The following RASSF10 variants were observed in gnomAD, a reference collection of about 807,000 sequenced individuals.
The protein encoded by RASSF10 is Ras association domain family member 10, also known as ras association domain-containing protein 10.
RASSF10 carries 22 observed loss-of-function variants against 41.5 expected under a neutral mutation model. The observed-to-expected ratio is 0.53, with a 90% CI of 0.38 to 0.76. The LOEUF is 0.76. RASSF10 is among the 30% of genes least tolerant of loss of function. RASSF10 has a pLI of 0.00. For synonymous variants in RASSF10, 364 were observed against 319.0 expected, an observed-to-expected ratio of 1.14 and a Z score of -1.50; for missense variants, 776 against 711.8, an observed-to-expected ratio of 1.09 and a Z score of -1.03.
In RASSF10 at chr11:13,010,208, C is replaced by T; in HGVS notation, c.632C>T (p.Ser211Phe). Residue 211 changes from serine to phenylalanine, a missense_variant, in exon 1 of 1, where the codon TCT (serine) becomes TTT (phenylalanine). By Grantham distance (155) the Ser-to-Phe change is radical. Coordinates refer to ENST00000529419, the MANE Select transcript of RASSF10 (RefSeq NM_001080521.3). The surrounding 1 kb of genome is among the most constrained non-coding windows in gnomAD (Gnocchi z 4.8). The stretch of plus-strand genomic sequence containing the variant: ...TCGTCGTCCACTGCCTCGTCCTGCT[C>T]TTCGTCGCCGCGGACCCACGAGAGC... ...STSSSTASSC[S>F]SSPRTHESAS... The T allele has an allele frequency of 1.3e-6, 2 of 1,595,122 alleles. No homozygotes were observed. The highest frequency in any genetic ancestry group is 1.7e-6 in the Non-Finnish European group (2 of 1,172,412).
At position 13,009,536 on chromosome 11, in the gene RASSF10, C is replaced by T. The variant is rs745344193; in HGVS notation, c.-41C>T. ...GCCCTTGCTGTCCTCGCCGCCCCAG[C>T]AGACCCCGGCCGGACCTGCCACCTG... is the stretch of plus-strand genomic sequence containing the variant. On this transcript the variant is annotated 5_prime_UTR_variant, in exon 1 of 1. Transcript: ENST00000529419. 6.3e-7 allele frequency: 1 copy of T among 1,586,754 alleles called. No individual in the cohort carries two copies. The highest frequency in any genetic ancestry group is 8.6e-7 in the Non-Finnish European group (1 of 1,164,966).
Position 13,011,185 on chromosome 11 carries a change from GAAACCA to G in RASSF10, c.*86_*91del, listed in dbSNP as rs1162403302. Reference sequence around the variant, plus strand: ...AGTGGGCCAGCCGGCTCGCGGACTTGAAACCAGGCTGTTGCGAGCCCAGAGCTCCGG... The same window carrying G: ...AGTGGGCCAGCCGGCTCGCGGACTTGGGCTGTTGCGAGCCCAGAGCTCCGG... On this transcript the variant is annotated 3_prime_UTR_variant, in exon 1 of 1. Coordinates refer to ENST00000529419, the MANE Select transcript of RASSF10 (RefSeq NM_001080521.3). 2 of 1,140,852 alleles carry G rather than the reference GAAACCA, an allele frequency of 1.8e-6. No individual in the cohort carries two copies. The highest frequency in any genetic ancestry group is 3.1e-5 in the African/African-American group (2 of 64,152). The allele number at this position is 1,140,852 out of a possible 1,614,324, so 70.7% of individuals were successfully genotyped here. A position where few individuals can be genotyped will look rare whatever the true frequency, so the allele number is the denominator to read the frequency against.
chr11:13,009,885 C>T lies in RASSF10; in HGVS notation c.309C>T (p.Ile103=). 1 of 1,605,040 alleles carries T rather than the reference C, an allele frequency of 6.2e-7. No individual in the cohort carries two copies. Among genetic ancestry groups the T allele is most frequent in the South Asian group, 1.1e-5 (1 of 89,580 alleles). The part of the protein sequence containing the change: ...IVEKWRGFER[I]LPNKTRILRL... ...AGAAGTGGCGCGGCTTTGAGCGCAT[C>T]CTCCCCAACAAGACGCGCATCTTGC... Residue 103 remains isoleucine (I), a synonymous_variant, in exon 1 of 1, where the codon ATC becomes ATT. Transcript: ENST00000529419.
In RASSF10 at chr11:13,012,013, T is replaced by G. The variant is rs1232857853; in HGVS notation, c.*913T>G. The stretch of plus-strand genomic sequence containing the variant: ...GAATTCAAGTTACGCAAAACAAAAC[T>G]TGCTGTCTAACAAGCACTCTTTGAA... On this transcript the variant is annotated 3_prime_UTR_variant, in exon 1 of 1. Coordinates refer to ENST00000529419, the MANE Select transcript of RASSF10 (RefSeq NM_001080521.3). 1 of 152,228 alleles carries G rather than the reference T, an allele frequency of 6.6e-6. No individual in the cohort carries two copies. Among genetic ancestry groups the G allele is most frequent in the East Asian group, 1.9e-4 (1 of 5,196 alleles). 9.4% of individuals were successfully genotyped at this position (152,228 alleles called of 1,614,324 possible).
In RASSF10 at chr11:13,010,267, C is replaced by T. The variant is rs1949566821; in HGVS notation, c.691C>T (p.Leu231=). The change falls in exon 1 of 1, where the codon CTG becomes TTG. Residue 231 remains leucine, a synonymous_variant. Transcript: ENST00000529419. The surrounding 1 kb of genome is among the most constrained non-coding windows in gnomAD (Gnocchi z 4.8). ...GGAGCGCATGGAGACGCTGGTGCAT[C>T]TGGTGCTTTCCCAGGACCACACAAT... The part of the protein sequence containing the change: ...SVERMETLVH[L]VLSQDHTIRQ... The T allele has an allele frequency of 2.6e-6, 4 of 1,565,222 alleles. No homozygotes were observed. The highest frequency in any genetic ancestry group is 1.9e-5 in the Admixed American group (1 of 53,720).
chr11:13,009,720 G>C lies in RASSF10; in HGVS notation c.144G>C (p.Arg48=). 1 of 1,587,486 alleles carries C rather than the reference G, an allele frequency of 6.3e-7. No individual in the cohort carries two copies. The highest frequency in any genetic ancestry group is 8.6e-7 in the Non-Finnish European group (1 of 1,167,442). The change falls in exon 1 of 1, where the codon CGG becomes CGC. Residue 48 remains arginine (R), a synonymous_variant. Coordinates refer to ENST00000529419, the MANE Select transcript of RASSF10 (RefSeq NM_001080521.3). ...GCCGGCGGCGACGGAGACAGCGGCGGAGCCGGCGGCTGGGGTCGGCCGGCG... is the reference window on the plus strand; with the variant it reads ...GCCGGCGGCGACGGAGACAGCGGCGCAGCCGGCGGCTGGGGTCGGCCGGCG... ...DGCRRRRRQR[R]SRRLGSAGDP...
In RASSF10 at chr11:13,009,769, C is replaced by T; in HGVS notation, c.193C>T (p.Pro65Ser). 1.2e-6 allele frequency: 2 copies of T among 1,600,802 alleles called. No homozygotes were observed. The highest frequency in any genetic ancestry group is 1.7e-6 in the Non-Finnish European group (2 of 1,174,970). ...AGDPHGPGELPEPPNEDDEDD... is the reference protein window; with the variant it reads ...AGDPHGPGELSEPPNEDDEDD... ...CGACCCGCATGGCCCGGGAGAGCTG[C>T]CCGAACCCCCGAACGAGGACGACGA... Residue 65 changes from proline to serine, a missense_variant, in exon 1 of 1, where the codon CCC becomes TCC. Coordinates refer to ENST00000529419, the MANE Select transcript of RASSF10 (RefSeq NM_001080521.3).
Position 13,010,509 on chromosome 11 carries a change from C to T in RASSF10, c.933C>T (p.Ala311=), listed in dbSNP as rs1173280797. The change falls in exon 1 of 1, where the codon GCC becomes GCT. Residue 311 remains alanine, a synonymous_variant. Coordinates refer to ENST00000529419, the MANE Select transcript of RASSF10 (RefSeq NM_001080521.3). This position sits in a 1 kb window ranked among gnomAD's most constrained non-coding sequence, Gnocchi z 4.8. ...AGGCGGCGGCGGCGCCCCCTCTAGC[C>T]GGCGAGGCGCAGGCGGCGGCGCTGG... ...AEEAAAAPPL[A]GEAQAAALEE... 4 of 1,515,298 alleles carry T rather than the reference C, an allele frequency of 2.6e-6. No homozygotes were observed. The highest frequency in any genetic ancestry group is 3.5e-6 in the Non-Finnish European group (4 of 1,131,422). The allele number at this position is 1,515,298 out of a possible 1,614,324, so 93.9% of individuals were successfully genotyped here. A position where few individuals can be genotyped will look rare whatever the true frequency, so the allele number is the denominator to read the frequency against.
chr11:13,009,540 C>T lies in RASSF10; in HGVS notation c.-37C>T, dbSNP rs771777831. ...TTGCTGTCCTCGCCGCCCCAGCAGA[C>T]CCCGGCCGGACCTGCCACCTGCGCC... On this transcript the variant is annotated 5_prime_UTR_variant, in exon 1 of 1. Coordinates refer to ENST00000529419, the MANE Select transcript of RASSF10 (RefSeq NM_001080521.3). 1.9e-6 allele frequency: 3 copies of T among 1,590,588 alleles called. No individual in the cohort carries two copies. The highest frequency in any genetic ancestry group is 3.4e-5 in the Admixed American group (2 of 58,542).
In RASSF10 at chr11:13,010,326, C is replaced by T. The variant is rs1249526486; in HGVS notation, c.750C>T (p.Asp250=). 3.9e-6 allele frequency: 6 copies of T among 1,551,608 alleles called. No homozygotes were observed. The highest frequency in any genetic ancestry group is 5.2e-6 in the Non-Finnish European group (6 of 1,147,174). Residue 250 remains aspartate, a synonymous_variant, in exon 1 of 1, where the codon GAC becomes GAT. Coordinates refer to ENST00000529419, the MANE Select transcript of RASSF10 (RefSeq NM_001080521.3). The surrounding 1 kb of genome is among the most constrained non-coding windows in gnomAD (Gnocchi z 4.8). ...RQQVQRLHEL[D]REIDHYEAKV... ...AGGTGCAGCGGCTCCACGAGCTGGA[C>T]CGCGAGATCGATCACTACGAGGCCA...
chr11:13,010,161 A>T lies in RASSF10; in HGVS notation c.585A>T (p.Thr195=), dbSNP rs746905063. The T allele has an allele frequency of 6.3e-7, 1 of 1,582,448 alleles. No individual in the cohort carries two copies. Among genetic ancestry groups the T allele is most frequent in the Non-Finnish European group, 8.6e-7 (1 of 1,165,632 alleles). Residue 195 remains threonine, a synonymous_variant, in exon 1 of 1, where the codon ACA becomes ACT. Coordinates refer to ENST00000529419, the MANE Select transcript of RASSF10 (RefSeq NM_001080521.3). This position sits in a 1 kb window ranked among gnomAD's most constrained non-coding sequence, Gnocchi z 4.8. The stretch of plus-strand genomic sequence containing the variant: ...TCAACCGGCGGCGCCAGCAGCAGAC[A>T]CCGTCGTCCTGTTCGTCCACTTCGT... The part of the protein sequence containing the change: ...AKLNRRRQQQ[T]PSSCSSTSSS...
chr11:13,010,650 G>A lies in RASSF10; in HGVS notation c.1074G>A (p.Trp358Ter), dbSNP rs1250035888. The A allele has an allele frequency of 6.3e-7, 1 of 1,592,316 alleles. No individual in the cohort carries two copies. The highest frequency in any genetic ancestry group is 1.1e-5 in the South Asian group (1 of 87,604). The change falls in exon 1 of 1, where the codon TGG becomes TGA. Residue 358 changes from tryptophan (W) to a stop codon, truncating the protein, a stop_gained. Coordinates refer to ENST00000529419, the MANE Select transcript of RASSF10 (RefSeq NM_001080521.3). LOFTEE classifies it high-confidence loss of function. This position sits in a 1 kb window ranked among gnomAD's most constrained non-coding sequence, Gnocchi z 4.8. ...TTCAGGAGGAACTCAACCAGAGGTG[G>A]ATGCGACGGCGCCAGGAGGAGCTGG... ...AEIQEELNQR[W>*]MRRRQEELAA...
At position 13,011,173 on chromosome 11, in the gene RASSF10, G is replaced by A. The variant is rs1361498989; in HGVS notation, c.*73G>A. On this transcript the variant is annotated 3_prime_UTR_variant, in exon 1 of 1. Coordinates refer to ENST00000529419, the MANE Select transcript of RASSF10 (RefSeq NM_001080521.3). ...CTTGCAGAATGCAGTGGGCCAGCCG[G>A]CTCGCGGACTTGAAACCAGGCTGTT... 1.1e-5 allele frequency: 14 copies of A among 1,229,638 alleles called. No individual in the cohort carries two copies. The highest frequency in any genetic ancestry group is 1.3e-5 in the Non-Finnish European group (12 of 900,190). The allele number at this position is 1,229,638 out of a possible 1,614,324, so 76.2% of individuals were successfully genotyped here.
chr11:13,011,219 G>C lies in RASSF10; in HGVS notation c.*119G>C. The C allele has an allele frequency of 1.2e-6, 1 of 808,824 alleles. No individual in the cohort carries two copies. The highest frequency in any genetic ancestry group is 1.9e-6 in the Non-Finnish European group (1 of 524,928). The allele number at this position is 808,824 out of a possible 1,614,324, so 50.1% of individuals were successfully genotyped here. A position where few individuals can be genotyped will look rare whatever the true frequency, so the allele number is the denominator to read the frequency against. On this transcript the variant is annotated 3_prime_UTR_variant, in exon 1 of 1. Transcript: ENST00000529419. Reference sequence around the variant, plus strand: ...CTGTTGCGAGCCCAGAGCTCCGGCTGGGCAGCAGCGCTCTGCGCAGCCTCG... The same window carrying C: ...CTGTTGCGAGCCCAGAGCTCCGGCTCGGCAGCAGCGCTCTGCGCAGCCTCG...
At position 13,009,826 on chromosome 11, in the gene RASSF10, C is replaced by T; in HGVS notation, c.250C>T (p.Leu84=). 6.2e-7 allele frequency: 1 copy of T among 1,606,938 alleles called. No homozygotes were observed. Among genetic ancestry groups the T allele is most frequent in the Non-Finnish European group, 8.5e-7 (1 of 1,177,594 alleles). The change falls in exon 1 of 1, where the codon CTG becomes TTG. Residue 84 remains leucine (L), a synonymous_variant. Coordinates refer to ENST00000529419, the MANE Select transcript of RASSF10 (RefSeq NM_001080521.3). ...DDDEALPQGM[L]CGPPQCYCIV... ...CGACGAGGCGCTGCCGCAGGGCATG[C>T]TGTGCGGGCCCCCGCAGTGCTATTG...
In RASSF10 at chr11:13,009,398, A is replaced by G. The variant is rs774086595; in HGVS notation, c.-179A>G. 12 of 1,413,574 alleles carry G rather than the reference A, an allele frequency of 8.5e-6. No homozygotes were observed. The South Asian group carries it at 1.5e-4, about 18-fold the overall frequency. The allele number at this position is 1,413,574 out of a possible 1,614,324, so 87.6% of individuals were successfully genotyped here. A position where few individuals can be genotyped will look rare whatever the true frequency, so the allele number is the denominator to read the frequency against. On this transcript the variant is annotated 5_prime_UTR_variant, in exon 1 of 1. Transcript: ENST00000529419. Reference sequence around the variant, plus strand: ...CGGGCAGAGCGCAGCCGCAACCGCGACCACAGCCGCAGTCGCTTTCCAGCC... The same window carrying G: ...CGGGCAGAGCGCAGCCGCAACCGCGGCCACAGCCGCAGTCGCTTTCCAGCC...
chr11:13,011,343 C>T lies in RASSF10; in HGVS notation c.*243C>T, dbSNP rs1279936036. ...TAAAGAGAGGGAAGGAGGGAGGAGG[C>T]AAGAACCCCCTATACTGGAAAACAA... is the stretch of plus-strand genomic sequence containing the variant. On this transcript the variant is annotated 3_prime_UTR_variant, in exon 1 of 1. Transcript: ENST00000529419. 1.5e-5 allele frequency: 7 copies of T among 471,666 alleles called. No homozygotes were observed. Among genetic ancestry groups the T allele is most frequent in the Non-Finnish European group, 2.3e-5 (6 of 264,800 alleles). The allele number at this position is 471,666 out of a possible 1,614,324, so 29.2% of individuals were successfully genotyped here.
Position 13,011,197 on chromosome 11 carries a change from T to C in RASSF10, c.*97T>C, listed in dbSNP as rs941448711. 7.3e-5 allele frequency: 73 copies of C among 994,364 alleles called. No homozygotes were observed. Among genetic ancestry groups the C allele is most frequent in the Admixed American group, 1.7e-4 (6 of 35,738 alleles). 61.6% of individuals were successfully genotyped at this position (994,364 alleles called of 1,614,324 possible). On this transcript the variant is annotated 3_prime_UTR_variant, in exon 1 of 1. Transcript: ENST00000529419. Reference sequence around the variant, plus strand: ...GGCTCGCGGACTTGAAACCAGGCTGTTGCGAGCCCAGAGCTCCGGCTGGGC... The same window carrying C: ...GGCTCGCGGACTTGAAACCAGGCTGCTGCGAGCCCAGAGCTCCGGCTGGGC...
rs1305718213 is a variant in RASSF10 at position 13,010,611 on chromosome 11, C to T, written c.1035C>T (p.Arg345=). The stretch of plus-strand genomic sequence containing the variant: ...TTCAGCAGGAGGAGTTGCTGGAGCG[C>T]CTTTCAGCCGAGATTCAGGAGGAAC... ...QRVQQEELLE[R]LSAEIQEELN... The change falls in exon 1 of 1, where the codon CGC becomes CGT. Residue 345 remains arginine, a synonymous_variant. Coordinates refer to ENST00000529419, the MANE Select transcript of RASSF10 (RefSeq NM_001080521.3). This position sits in a 1 kb window ranked among gnomAD's most constrained non-coding sequence, Gnocchi z 4.8. 1 of 1,585,558 alleles carries T rather than the reference C, an allele frequency of 6.3e-7. No individual in the cohort carries two copies. Among genetic ancestry groups the T allele is most frequent in the East Asian group, 2.3e-5 (1 of 43,426 alleles).
Sources: gnomAD v4.1 joint callset for allele counts on GRCh38, gnomAD v4.1.1 for gene constraint, Gnocchi (gnomAD v3.1) non-coding constraint, MANE v1.5 for transcripts, NCBI Gene and HGNC (gene_info 2026-07-23, HGNC 2026-07-21) for gene names.